CDH4: variants seen among roughly 807,000 people sequenced by gnomAD.
CDH4 encodes cadherin-4.
CDH4 carries 33 observed loss-of-function variants against 86.0 expected under a neutral mutation model. The ratio of observed to expected loss-of-function variants is 0.38; its 90% CI spans 0.29 to 0.51. The LOEUF (loss-of-function observed/expected upper bound fraction) is 0.51, where lower values mean the gene tolerates loss of function less well. Among genes scored for constraint, CDH4 ranks in the 20% least tolerant of loss-of-function variants. The probability of loss-of-function intolerance (pLI) is 0.86; values close to 1 mark genes in which losing one functional copy is unlikely to be tolerated. For synonymous variants in CDH4, 555 were observed against 549.4 expected (o/e 1.01, Z -0.14); for missense variants, 1,114 against 1,307.4 (o/e 0.85, Z 2.28).
chr20:61,526,897 C>T (rs951214078), intron 2 of CDH4, among the ~76,000 whole-genome samples: 12 of 152,252 alleles, frequency 7.9e-5, no homozygotes, highest in Non-Finnish European at 8.8e-5. Flanking sequence ...ACAAATGTAA[C>T]GTTCTAATCT....
At chr20:61,325,090 G>C (rs1412809169) in intron 2 of CDH4, among the ~76,000 whole-genome samples, 1 of 152,152 alleles carries the variant, frequency 6.6e-6, no homozygotes, top group Non-Finnish European at 1.5e-5. Flanking sequence ...TCCCCATGGG[G>C]CTATGTGGAT....
At chr20:61,634,808 C>G (rs902382346) in intron 2 of CDH4, among the ~76,000 whole-genome samples, 2 of 152,248 alleles carry the variant, frequency 1.3e-5, no homozygotes, top group Non-Finnish European at 2.9e-5. Context: ...ACACAAACTT[C>G]CCACTTCCCC....
chr20:61,934,163 G>A lies in CDH4; in HGVS notation c.2487G>A (p.Gln829=), dbSNP rs2055149976. 6.2e-7 allele frequency: 1 copy of A among 1,607,614 alleles called. No individual in the cohort carries two copies. The highest frequency in any genetic ancestry group is 1.7e-5 in the Admixed American group (1 of 59,650). ...AGCGGCCGGTGGGCGCTGAGCCCCAGTACCCGATCAGGCCCATGGTGCCGC... is the reference window on the plus strand; with the variant it reads ...AGCGGCCGGTGGGCGCTGAGCCCCAATACCCGATCAGGCCCATGGTGCCGC... ...VDERPVGAEP[Q]YPIRPMVPHP... is the part of the protein sequence containing the mutation. The change falls in exon 15 of 16, where the codon CAG becomes CAA. Residue 829 remains glutamine, a synonymous_variant. Transcript: ENST00000614565.
At chr20:61,532,272 C>T (rs6061610) in intron 2 of CDH4, among the ~76,000 whole-genome samples, 1,804 of 152,294 alleles carry the variant, frequency 0.012, 26 homozygotes, top group African/African-American at 0.041. Flanking sequence ...TGCCTCCAGG[C>T]GGGACTGCAC....
intron 2 of CDH4, among the ~76,000 whole-genome samples, chr20:61,739,689 C>T (rs530484405): frequency 1.3e-5 from 2 of 152,292 alleles, no homozygotes; most frequent in East Asian, 3.9e-4. Flanking sequence ...TGACAGCGGG[C>T]TTGGAGCCCA....
At chr20:61,319,785 T>A (rs1029887188) in intron 2 of CDH4, among the ~76,000 whole-genome samples, 1 of 142,214 alleles carries the variant, frequency 7.0e-6, no homozygotes, top group African/African-American at 2.6e-5. Flanking sequence ...CCATCTCAAT[T>A]AAAAAAAAAA....
At position 61,623,968 on chromosome 20, in the gene CDH4, G is replaced by A. The variant is rs1044354116; in HGVS notation, c.170-119595G>A. 3.3e-5 allele frequency among the ~76,000 whole-genome samples: 5 copies of A among 152,236 alleles called. No individual in the cohort carries two copies. The highest frequency in any genetic ancestry group is 1.3e-4 in the Admixed American group (2 of 15,298). ...CCCAGAATCTGAGCAGGAAAGACACGGTTCCTAGAGCGAGGAACAGTGCAT... is the reference window on the plus strand; with the variant it reads ...CCCAGAATCTGAGCAGGAAAGACACAGTTCCTAGAGCGAGGAACAGTGCAT... On this transcript the variant is annotated intron_variant, in intron 2 of 15. Coordinates refer to ENST00000614565, the MANE Select transcript of CDH4 (RefSeq NM_001794.5). The surrounding 1 kb of genome is among the most constrained non-coding windows in gnomAD (Gnocchi z 4.4).
At chr20:61,270,647 A>G (rs1254993987) in intron 2 of CDH4, among the ~76,000 whole-genome samples, 3 of 152,234 alleles carry the variant, frequency 2.0e-5, no homozygotes, top group Admixed American at 1.3e-4. Flanking sequence ...GGTAAACGTC[A>G]ATTTTCTTCA....
intron 2 of CDH4, among the ~76,000 whole-genome samples, chr20:61,512,194 A>T (rs1303831426): frequency 6.6e-6 from 1 of 151,992 alleles, no homozygotes; most frequent in African/African-American, 2.4e-5. Flanking sequence ...TGGTCCATGG[A>T]TCCTGAACGC....
chr20:61,936,470 G>A (rs1392943327), intron 15 of CDH4, among the ~76,000 whole-genome samples: 1 of 125,868 alleles, frequency 7.9e-6, no homozygotes, highest in East Asian at 2.5e-4. Context: ...CCAGCCACGG[G>A]CCCTGCCCAA....
At chr20:61,790,291 C>T (rs989280222) in intron 4 of CDH4, among the ~76,000 whole-genome samples, 4 of 151,666 alleles carry the variant, frequency 2.6e-5, no homozygotes, top group African/African-American at 4.9e-5. Flanking sequence ...TGCATCCACA[C>T]ATCCATCCAC....
At chr20:61,928,682 T>C (rs1300849525) in intron 12 of CDH4, among the ~76,000 whole-genome samples, 1 of 152,264 alleles carries the variant, frequency 6.6e-6, no homozygotes, top group Admixed American at 6.5e-5. Context: ...GCTCTGCCCA[T>C]GTACATCCAT....
chr20:61,462,507 G>A (rs1381372455), intron 2 of CDH4, among the ~76,000 whole-genome samples: 1 of 152,156 alleles, frequency 6.6e-6, no homozygotes, highest in Non-Finnish European at 1.5e-5. Flanking sequence ...TCTTCTGCCT[G>A]TACCAAAAAT....
chr20:61,636,018 CAAGGCAGGCAGG>C (rs1276567649), intron 2 of CDH4, among the ~76,000 whole-genome samples: 2 of 152,234 alleles, frequency 1.3e-5, no homozygotes, highest in African/African-American at 4.8e-5. Flanking sequence ...CTCTCCAGTA[CAAGGCAGGCAGG>C]ACGCCAGCGG....
intron 2 of CDH4, among the ~76,000 whole-genome samples, chr20:61,268,222 C>T (rs1324150585): frequency 6.6e-6 from 1 of 152,220 alleles, no homozygotes; most frequent in Admixed American, 6.5e-5. Context: ...CAGAGCATCT[C>T]GGGTCCACCC....
At chr20:61,519,126 A>C (rs940895780) in intron 2 of CDH4, among the ~76,000 whole-genome samples, 1 of 152,216 alleles carries the variant, frequency 6.6e-6, no homozygotes, top group African/African-American at 2.4e-5. Context: ...CTTTAATGGA[A>C]GTTTCCACCA....
rs184019288 is a variant in CDH4, at chr20:61,320,862, G to A, written c.169+65925G>A. Among the ~76,000 whole-genome samples, 131 of 152,164 alleles carry A rather than the reference G, an allele frequency of 8.6e-4. 1 individual carries two copies. The highest frequency in any genetic ancestry group is 3.4e-4 in the Non-Finnish European group (23 of 67,992). ...ACACGGCCAGGTGGCTGGAGGGGTG[G>A]GCAGGGCTGTGGCGTGAAGACAGTA... On this transcript the variant is annotated intron_variant, in intron 2 of 15. Coordinates refer to ENST00000614565, the MANE Select transcript of CDH4 (RefSeq NM_001794.5).
intron 7 of CDH4, among the ~76,000 whole-genome samples, chr20:61,890,615 G>A (rs1281162222): frequency 6.6e-6 from 1 of 152,154 alleles, no homozygotes; most frequent in Non-Finnish European, 1.5e-5. Flanking sequence ...GGATGGATGG[G>A]TAAGGGGATG....
At chr20:61,782,865 C>T (rs956605638) in intron 4 of CDH4, among the ~76,000 whole-genome samples, 1 of 152,240 alleles carries the variant, frequency 6.6e-6, no homozygotes, top group Non-Finnish European at 1.5e-5. Flanking sequence ...GGACGTACCA[C>T]TTGAGGCCAG....
Sources: allele counts gnomAD v4.1 joint callset (sites outside exome capture counted in the v4.1 genomes callset), GRCh38; gene constraint gnomAD v4.1.1; non-coding constraint Gnocchi (gnomAD v3.1); transcripts MANE v1.5; gene names NCBI Gene and HGNC (gene_info 2026-07-23, HGNC 2026-07-21).